The following SNX10 variants were observed in gnomAD, a reference collection of about 807,000 sequenced individuals.
The protein encoded by SNX10 is sorting nexin-10.
Under a neutral mutation model 28.5 loss-of-function variants are expected in SNX10, and 25 were observed. The observed-to-expected ratio is 0.88, with a 90% CI of 0.64 to 1.22. The LOEUF is 1.22. Among genes scored for constraint, SNX10 ranks in the 50% most tolerant of loss-of-function variants. The pLI, the probability that SNX10 is intolerant of heterozygous loss-of-function variation, is 0.00. For missense variants in SNX10, 223 were observed against 242.6 expected (o/e 0.92, Z 0.54); for synonymous variants, 62 against 81.4 (o/e 0.76, Z 1.28).
chr7:26,345,940 A>G (rs976852510), intron 1 of SNX10, among the ~76,000 whole-genome samples: 5 of 152,226 alleles, frequency 3.3e-5, no homozygotes, highest in Admixed American at 1.3e-4. Context: ...GCTGAGGGCC[A>G]CACCATCTCT....
At chr7:26,327,099 C>T (rs1040746261) in intron 1 of SNX10, among the ~76,000 whole-genome samples, 1 of 151,890 alleles carries the variant, frequency 6.6e-6, no homozygotes, top group Non-Finnish European at 1.5e-5. Context: ...TACAGGTGTG[C>T]GCCACCATCC....
At chr7:26,351,873 G>T (rs945248246) in intron 2 of SNX10, among the ~76,000 whole-genome samples, 3 of 151,736 alleles carry the variant, frequency 2.0e-5, no homozygotes, top group Admixed American at 6.6e-5. Flanking sequence ...AGCCAGGATG[G>T]TCTAGATCTC....
At chr7:26,353,712 A>G (rs866119816) in intron 2 of SNX10, among the ~76,000 whole-genome samples, 17 of 152,180 alleles carry the variant, frequency 1.1e-4, no homozygotes, top group Non-Finnish European at 4.4e-5. Context: ...TTGGCCTCCC[A>G]AAGTGCTGGG....
At chr7:26,338,699 C>T (rs1336125773) in intron 1 of SNX10, among the ~76,000 whole-genome samples, 3 of 152,070 alleles carry the variant, frequency 2.0e-5, no homozygotes, top group South Asian at 4.1e-4. Flanking sequence ...CCACTGGGCC[C>T]GGCCGGATTA....
chr7:26,342,117 C>T (rs1788208472), intron 1 of SNX10, among the ~76,000 whole-genome samples: 1 of 151,650 alleles, frequency 6.6e-6, no homozygotes, highest in African/African-American at 2.4e-5. Flanking sequence ...ACCTGCACCT[C>T]CCAAGTTCAA....
chr7:26,337,775 G>C (rs917067627), intron 1 of SNX10, among the ~76,000 whole-genome samples: 1 of 152,172 alleles, frequency 6.6e-6, no homozygotes, highest in Admixed American at 6.5e-5. Flanking sequence ...TGTGGATGTG[G>C]ACCCACAAAT....
At chr7:26,299,203 T>G (rs1438392573) in intron 1 of SNX10, among the ~76,000 whole-genome samples, 3 of 150,352 alleles carry the variant, frequency 2.0e-5, no homozygotes, top group African/African-American at 7.3e-5. Context: ...TTTCAGCAAT[T>G]TTTTTTTTTT....
chr7:26,365,089 G>A lies in SNX10; in HGVS notation c.255G>A (p.Met85Ile). ...CATCTAAAAACCTGTTTTTCAACAT[G>A]AACAATCGCCAGCACGTGGATCAGC... ...ELPSKNLFFN[M>I]NNRQHVDQRR... Residue 85 changes from methionine (M) to isoleucine (I), a missense_variant, in exon 5 of 7, where the codon ATG becomes ATA. By Grantham distance (10) the Met-to-Ile change is conservative. Coordinates refer to ENST00000338523, the MANE Select transcript of SNX10 (RefSeq NM_013322.3). 1.2e-6 allele frequency: 2 copies of A among 1,613,290 alleles called. No individual in the cohort carries two copies. Among genetic ancestry groups the A allele is most frequent in the Non-Finnish European group, 1.7e-6 (2 of 1,179,304 alleles).
rs1789676192 is a variant in SNX10, at chr7:26,373,960, T to C, written c.*1388T>C. ...AAATTTAGAATAAGAATGATTTCTT[T>C]AATTTGTCCTTTTTTTCTTTGGTCT... On this transcript the variant is annotated 3_prime_UTR_variant, in exon 7 of 7. Transcript: ENST00000338523. This position sits in a 1 kb window ranked among gnomAD's most constrained non-coding sequence, Gnocchi z 4.2. 6.6e-6 allele frequency: 1 copy of C among 152,094 alleles called. No homozygotes were observed. The highest frequency in any genetic ancestry group is 2.4e-5 in the African/African-American group (1 of 41,462). The allele number at this position is 152,094 out of a possible 1,614,324, so 9.4% of individuals were successfully genotyped here.
chr7:26,374,380 C>T lies in SNX10; in HGVS notation c.*1808C>T, dbSNP rs1165153304. 2.0e-5 allele frequency: 3 copies of T among 152,068 alleles called. No individual in the cohort carries two copies. In the East Asian group the frequency reaches 5.8e-4, roughly 29 times the overall value. 9.4% of individuals were successfully genotyped at this position (152,068 alleles called of 1,614,324 possible). ...AAGAGAATATATTCTGCCTTAGACC[C>T]AAACTCAGTGTTTTTTATTTTTTAT... On this transcript the variant is annotated 3_prime_UTR_variant, in exon 7 of 7. Transcript: ENST00000338523.
chr7:26,315,890 T>C (rs1584107353), intron 1 of SNX10, among the ~76,000 whole-genome samples: 1 of 151,986 alleles, frequency 6.6e-6, no homozygotes, highest in African/African-American at 2.4e-5. Flanking sequence ...CTTAAAATTA[T>C]ACCTAGAGTT....
At chr7:26,358,205 C>T (rs1245792668) in intron 2 of SNX10, among the ~76,000 whole-genome samples, 3 of 151,974 alleles carry the variant, frequency 2.0e-5, no homozygotes, top group African/African-American at 7.3e-5. Context: ...GTTTAAGAGA[C>T]ACACACACAT....
intron 2 of SNX10, among the ~76,000 whole-genome samples, chr7:26,354,793 T>A (rs1474036242): frequency 6.6e-6 from 1 of 152,262 alleles, no homozygotes; most frequent in Non-Finnish European, 1.5e-5. Flanking sequence ...ATTCACGGCA[T>A]CTTTTGCAAA....
intron 1 of SNX10, among the ~76,000 whole-genome samples, chr7:26,302,515 A>T (rs947746202): frequency 3.3e-5 from 5 of 152,158 alleles, no homozygotes; most frequent in African/African-American, 4.8e-5. Context: ...GTTTTTGTAC[A>T]GCTTCTCTCT....
rs79956768 is a variant in SNX10 at position 26,308,019 on chromosome 7, A to C, written c.-24+15933A>C. On this transcript the variant is annotated intron_variant, in intron 1 of 6. Coordinates refer to ENST00000338523, the MANE Select transcript of SNX10 (RefSeq NM_013322.3). ...GCCTTCCAACAGGATAGAAGTCCAAATTCCTCCTTTTGTTCTTCAGGGACT... is the reference window on the plus strand; with the variant it reads ...GCCTTCCAACAGGATAGAAGTCCAACTTCCTCCTTTTGTTCTTCAGGGACT... Among the ~76,000 whole-genome samples, 998 of 152,166 alleles carry C rather than the reference A, an allele frequency of 6.6e-3. 7 individuals carry two copies. Among genetic ancestry groups the C allele is most frequent in the Middle Eastern group, 0.02 (6 of 294 alleles).
At chr7:26,361,517 A>G (rs1252306430) in intron 3 of SNX10, among the ~76,000 whole-genome samples, 1 of 152,242 alleles carries the variant, frequency 6.6e-6, no homozygotes, top group Non-Finnish European at 1.5e-5. Flanking sequence ...TATTGTGATT[A>G]ATTTATCTAG....
At chr7:26,318,670 C>T (rs985955021) in intron 1 of SNX10, among the ~76,000 whole-genome samples, 1 of 152,080 alleles carries the variant, frequency 6.6e-6, no homozygotes. Flanking sequence ...TGGGGTTTTG[C>T]CATGTTGCCC....
chr7:26,363,898 G>A (rs1789184632), intron 3 of SNX10, among the ~76,000 whole-genome samples: 1 of 152,212 alleles, frequency 6.6e-6, no homozygotes, highest in African/African-American at 2.4e-5. Flanking sequence ...TGAGTGACTT[G>A]CCCTGTAGCA....
intron 1 of SNX10, among the ~76,000 whole-genome samples, chr7:26,292,472 T>C (rs1354684042): frequency 6.6e-6 from 1 of 152,192 alleles, no homozygotes; most frequent in Non-Finnish European, 1.5e-5. Flanking sequence ...TTATTTATTT[T>C]TTTATTCATT....
Sources: gnomAD v4.1 joint callset for allele counts (sites outside exome capture counted in the v4.1 genomes callset) on GRCh38, gnomAD v4.1.1 for gene constraint, Gnocchi (gnomAD v3.1) non-coding constraint, MANE v1.5 for transcripts, NCBI Gene and HGNC (gene_info 2026-07-23, HGNC 2026-07-21) for gene names.